The following RARB variants were observed in gnomAD, a reference collection of about 807,000 sequenced individuals.
RARB encodes HBV-activated protein.
Under a neutral mutation model 51.9 loss-of-function variants are expected in RARB, and 17 were observed. That is an observed-to-expected ratio of 0.33 (90% CI 0.22 to 0.49). The LOEUF is 0.49. Among genes scored for constraint, RARB ranks in the 20% least tolerant of loss-of-function variants. The probability of loss-of-function intolerance (pLI) is 0.99; values close to 1 mark genes in which losing one functional copy is unlikely to be tolerated. For missense variants in RARB, 369 were observed against 550.8 expected (o/e 0.67, Z 3.30); for synonymous variants, 215 against 195.4 (o/e 1.10, Z -0.84).
intron 1 of RARB, chr3:25,458,453 C>G (rs1252377630): frequency 6.6e-6 from 1 of 152,184 alleles, no homozygotes; most frequent in Admixed American, 6.5e-5. Context: ...ACATTGTTTT[C>G]TAATTTTAAC....
chr3:25,298,184 CTT>C (rs5847347), intron 5 of RARB, among the ~76,000 whole-genome samples: 151 of 136,928 alleles, frequency 1.1e-3, no homozygotes, highest in Middle Eastern at 3.8e-3. Flanking sequence ...GCTACCAAAT[CTT>C]TTTTTTTTTT....
intron 5 of RARB, among the ~76,000 whole-genome samples, chr3:25,243,710 C>A (rs184682465): frequency 3.4e-3 from 514 of 152,156 alleles, no homozygotes; most frequent in Non-Finnish European, 5.6e-3. Flanking sequence ...AATCGGTTTG[C>A]CAGTATTTTA....
At chr3:25,019,419 C>T (rs986380172) in intron 2 of RARB, among the ~76,000 whole-genome samples, 8 of 151,718 alleles carry the variant, frequency 5.3e-5, no homozygotes, top group African/African-American at 1.9e-4. Flanking sequence ...TAGTGGGGTC[C>T]GGTTGGGATT....
At chr3:24,998,495 A>C (rs1697091088) in intron 2 of RARB, among the ~76,000 whole-genome samples, 1 of 152,020 alleles carries the variant, frequency 6.6e-6, no homozygotes, top group Non-Finnish European at 1.5e-5. Context: ...GCTGCCTTAA[A>C]AAAAAAAATG....
At chr3:25,190,762 T>C (rs931697) in intron 5 of RARB, among the ~76,000 whole-genome samples, 71,852 of 152,026 alleles carry the variant, frequency 0.47, 17,709 homozygotes, top group East Asian at 0.7. Flanking sequence ...TGGCTACTTA[T>C]GTCGCGTGCT....
chr3:24,907,058 C>T (rs1003919313), intron 2 of RARB, among the ~76,000 whole-genome samples: 1 of 152,054 alleles, frequency 6.6e-6, no homozygotes, highest in Admixed American at 6.6e-5. Context: ...CTTGGACTTA[C>T]TTGTCCATTC....
chr3:25,194,644 C>CT lies in RARB; in HGVS notation c.178+20080dup, dbSNP rs529093235. Among the ~76,000 whole-genome samples the CT allele has an allele frequency of 7.3e-4, 104 of 142,982 alleles. 2 individuals carry two copies. Among genetic ancestry groups the CT allele is most frequent in the Non-Finnish European group, 4.6e-4 (30 of 64,962 alleles). The allele number at this position is 142,982 out of a possible 152,430, so 93.8% of individuals were successfully genotyped here. A position where few individuals can be genotyped will look rare whatever the true frequency, so the allele number is the denominator to read the frequency against. On this transcript the variant is annotated intron_variant, in intron 5 of 11. Coordinates refer to the RARB transcript ENST00000383772. Reference sequence around the variant, plus strand: ...AATTAGAGTCCCTTGAGAACAAGGTCTTTTTTTTTTTAATTTAAGTCTCCA... The same window carrying CT: ...AATTAGAGTCCCTTGAGAACAAGGTCTTTTTTTTTTTTAATTTAAGTCTCCA...
intron 2 of RARB, among the ~76,000 whole-genome samples, chr3:24,874,389 T>C (rs191912104): frequency 1.5e-4 from 23 of 152,200 alleles, no homozygotes; most frequent in Admixed American, 1.5e-3. Context: ...GATTTATTGA[T>C]TACTAAGATT....
Position 25,596,893 on chromosome 3 carries a change from T to C in RARB, c.*277T>C. On this transcript the variant is annotated 3_prime_UTR_variant, in exon 8 of 8. Coordinates refer to ENST00000330688, the MANE Select transcript of RARB (RefSeq NM_000965.5). ...TCCTCTTTGAACACTCAAGATTGCA[T>C]GGCAAAGACCCAGTCAAAATGATTT... 1 of 284,652 alleles carries C rather than the reference T, an allele frequency of 3.5e-6. No homozygotes were observed. Among genetic ancestry groups the C allele is most frequent in the Non-Finnish European group, 6.6e-6 (1 of 151,942 alleles). 17.6% of individuals were successfully genotyped at this position (284,652 alleles called of 1,614,324 possible). A position where few individuals can be genotyped will look rare whatever the true frequency, so the allele number is the denominator to read the frequency against.
intron 5 of RARB, among the ~76,000 whole-genome samples, chr3:25,389,767 AAGTGCACCT>A (rs1489477735): frequency 6.6e-6 from 1 of 152,216 alleles, no homozygotes; most frequent in African/African-American, 2.4e-5. Flanking sequence ...CACTAATAGA[AAGTGCACCT>A]GTGTGCATAG....
chr3:25,545,530 G>A (rs76395854), intron 3 of RARB, among the ~76,000 whole-genome samples: 2,499 of 152,198 alleles, frequency 0.016, 27 homozygotes, highest in Non-Finnish European at 0.025. Flanking sequence ...GCCATCCAAC[G>A]TTCACCCGCT....
At chr3:24,890,461 T>A (rs1464585005) in intron 2 of RARB, among the ~76,000 whole-genome samples, 2 of 152,182 alleles carry the variant, frequency 1.3e-5, no homozygotes, top group Non-Finnish European at 2.9e-5. Flanking sequence ...GACGTATGAC[T>A]TTGTAGGTCA....
At chr3:25,550,746 C>T (rs576804690) in intron 3 of RARB, among the ~76,000 whole-genome samples, 8 of 152,252 alleles carry the variant, frequency 5.3e-5, no homozygotes, top group East Asian at 1.9e-4. Context: ...CCCTCCCCAC[C>T]GCCACCTGAC....
At chr3:25,337,387 C>T (rs1212832844) in intron 5 of RARB, among the ~76,000 whole-genome samples, 1 of 152,310 alleles carries the variant, frequency 6.6e-6, no homozygotes, top group South Asian at 2.1e-4. Context: ...CAGAGAGAAT[C>T]TACAGCATTT....
At chr3:25,157,707 A>T (rs972015715) in intron 4 of RARB, among the ~76,000 whole-genome samples, 11 of 152,174 alleles carry the variant, frequency 7.2e-5, no homozygotes, top group African/African-American at 2.2e-4. Context: ...CTAAGTATCT[A>T]TATTAACTCA....
chr3:25,302,936 A>G (rs1704075282), intron 5 of RARB, among the ~76,000 whole-genome samples: 1 of 152,190 alleles, frequency 6.6e-6, no homozygotes, highest in Admixed American at 6.5e-5. Context: ...AGAAAGGGAG[A>G]TAAATTGCTT....
rs187184907 is a variant in RARB, at chr3:24,843,230, A to G, written c.-459+13827A>G. Among the ~76,000 whole-genome samples, 774 of 152,320 alleles carry G rather than the reference A, an allele frequency of 5.1e-3. 6 individuals are homozygous for G. The highest frequency in any genetic ancestry group is 0.018 in the African/African-American group (741 of 41,554). ...GACTGTCAAGGGGCTATGTGACGGC[A>G]GCTCCCAATTCAAAATCTGGTGCTT... is the stretch of plus-strand genomic sequence containing the variant. On this transcript the variant is annotated intron_variant, in intron 1 of 11. Transcript: ENST00000383772.
intron 1 of RARB, among the ~76,000 whole-genome samples, chr3:25,429,182 G>C (rs1192069071): frequency 6.6e-6 from 1 of 152,152 alleles, no homozygotes; most frequent in Non-Finnish European, 1.5e-5. Flanking sequence ...GTGGGGAGTA[G>C]AGGGTGACCA....
chr3:25,451,418 G>C (rs933349590), intron 1 of RARB, among the ~76,000 whole-genome samples: 1 of 152,160 alleles, frequency 6.6e-6, no homozygotes, highest in African/African-American at 2.4e-5. Context: ...TTTTATGCAG[G>C]CTCATGGCAT....
Sources: gnomAD v4.1 joint callset for allele counts (sites outside exome capture counted in the v4.1 genomes callset) on GRCh38, gnomAD v4.1.1 for gene constraint, MANE v1.5 for transcripts, NCBI Gene and HGNC (gene_info 2026-07-23, HGNC 2026-07-21) for gene names.